DNAJA1: variants seen among roughly 807,000 people sequenced by gnomAD.
DNAJA1 encodes DnaJ heat shock protein family (Hsp40) member A1, also known as dnaJ homolog subfamily A member 1.
A neutral mutation model predicts 47.6 loss-of-function variants in DNAJA1; 26 were observed. That is an observed-to-expected ratio of 0.55 (90% CI 0.40 to 0.76). DNAJA1 has a LOEUF of 0.76. Among genes scored for constraint, DNAJA1 ranks in the 30% least tolerant of loss-of-function variants. The pLI, the probability that DNAJA1 is intolerant of heterozygous loss-of-function variation, is 0.00. For missense variants in DNAJA1, 315 were observed against 485.0 expected (o/e 0.65, Z 3.29); for synonymous variants, 165 against 158.4 (o/e 1.04, Z -0.31).
intron 8 of DNAJA1, among the ~76,000 whole-genome samples, chr9:33,037,517 A>C (rs1839055491): frequency 6.6e-6 from 1 of 152,044 alleles, no homozygotes; most frequent in African/African-American, 2.4e-5. Flanking sequence ...CCCCATCTCT[A>C]CAAAAAGTAC....
intron 8 of DNAJA1, chr9:33,037,351 T>A (rs7861851): frequency 0.27 from 81,139 of 299,536 alleles, 12,576 homozygotes; most frequent in Non-Finnish European, 0.3. Context: ...TCTGAATGCC[T>A]CAGAACCTGA....
chr9:33,037,815 G>A (rs1839059027), intron 8 of DNAJA1, among the ~76,000 whole-genome samples: 1 of 152,130 alleles, frequency 6.6e-6, no homozygotes, highest in Admixed American at 6.6e-5. Context: ...GGGTGTGTGG[G>A]ACAAGTGGGT....
At chr9:33,027,153 G>GT (rs60033892) in intron 3 of DNAJA1, among the ~76,000 whole-genome samples, 163 bp downstream of exon 3, 2,568 of 140,234 alleles carry the variant, frequency 0.018, 36 homozygotes, top group African/African-American at 0.042. Flanking sequence ...TTTTGTTGTG[G>GT]TTTTTTTTTT....
intron 3 of DNAJA1, among the ~76,000 whole-genome samples, chr9:33,028,800 A>T (rs1838914799): frequency 6.6e-6 from 1 of 152,224 alleles, no homozygotes; most frequent in Non-Finnish European, 1.5e-5. Context: ...GTTCAAAATA[A>T]GGGCAGCTAG....
intron 5 of DNAJA1, among the ~76,000 whole-genome samples, chr9:33,031,123 T>C (rs1753237315): frequency 6.6e-6 from 1 of 152,208 alleles, no homozygotes; most frequent in African/African-American, 2.4e-5. Context: ...AGACGGAGTT[T>C]CGCTCTTGTT....
In DNAJA1 at chr9:33,038,979, GCTCA is replaced by G; in HGVS notation, c.*79_*82del. The stretch of plus-strand genomic sequence containing the variant: ...GAGTGAAGGACTGTAATCATAATAT[GCTCA>G]CTACTTGCTCTTGTTTTTGTTTTAA... On this transcript the variant is annotated 3_prime_UTR_variant, in exon 9 of 9. Coordinates refer to ENST00000330899, the MANE Select transcript of DNAJA1 (RefSeq NM_001539.4). 1.5e-6 allele frequency: 2 copies of G among 1,307,012 alleles called. No homozygotes were observed. The highest frequency in any genetic ancestry group is 5.0e-5 in the East Asian group (2 of 39,818). 81.0% of individuals were successfully genotyped at this position (1,307,012 alleles called of 1,614,324 possible).
chr9:33,036,425 C>G, intron 6 of DNAJA1, 149 bp from the exon 7 acceptor site: 2 of 549,634 alleles, frequency 3.6e-6, no homozygotes, highest in Non-Finnish European at 6.4e-6. Flanking sequence ...CTTCCCAGAT[C>G]TCTGCTCTGC....
At chr9:33,026,185 G>A (rs1587694823) in intron 1 of DNAJA1, among the ~76,000 whole-genome samples, 1 of 152,244 alleles carries the variant, frequency 6.6e-6, no homozygotes, top group East Asian at 1.9e-4. Context: ...GGGCAAACGG[G>A]AAGAATCCAG....
At chr9:33,027,149 TGTG>T (rs1838886426) in intron 3 of DNAJA1, among the ~76,000 whole-genome samples, 159 bp downstream of exon 3, 2 of 143,080 alleles carry the variant, frequency 1.4e-5, no homozygotes, top group South Asian at 4.4e-4. Flanking sequence ...GTTTTTTTGT[TGTG>T]GTTTTTTTTT....
chr9:33,026,645 T>C (rs752749487), intron 2 of DNAJA1, 29 bp downstream of exon 2: 85 of 1,586,626 alleles, frequency 5.4e-5, no homozygotes, highest in Non-Finnish European at 7.2e-5. Context: ...TAAACGTATC[T>C]GAATAGTTCT....
Position 33,037,323 on chromosome 9 carries a change from A to C in DNAJA1, c.975+208A>C, listed in dbSNP as rs530775486. ...CCCTGTCTCTTTAAAAAAACAAAAA[A>C]AAAAAAAAATTAAAATTTCTGAATG... On this transcript the variant is annotated intron_variant, in intron 8 of 8. Transcript: ENST00000330899. The C allele has an allele frequency of 1.8e-3, 615 of 337,586 alleles. 13 individuals are homozygous for C. In the South Asian group the frequency reaches 0.022, roughly 12 times the overall value. The allele number at this position is 337,586 out of a possible 1,614,324, so 20.9% of individuals were successfully genotyped here.
intron 5 of DNAJA1, 78 bp from the exon 6 acceptor site, chr9:33,034,138 A>G: frequency 1.0e-6 from 1 of 983,196 alleles, no homozygotes; most frequent in Admixed American, 3.3e-5. Context: ...GCATAAACAA[A>G]CATCTATGTA....
At chr9:33,029,816 A>G in intron 3 of DNAJA1, 69 bp from the exon 4 acceptor site, 1 of 1,289,536 alleles carries the variant, frequency 7.8e-7, no homozygotes. Context: ...CACATTCTTT[A>G]TAGTGCCTTT....
chr9:33,036,954 A>G (rs1190588083), intron 7 of DNAJA1, 61 bp from the exon 8 acceptor site: 3 of 1,451,952 alleles, frequency 2.1e-6, no homozygotes, highest in African/African-American at 1.4e-5. Context: ...TGTTCTTTAT[A>G]TTCCCTGCCT....
intron 8 of DNAJA1, among the ~76,000 whole-genome samples, chr9:33,038,466 A>T (rs546189999): frequency 6.6e-6 from 1 of 152,336 alleles, no homozygotes; most frequent in South Asian, 2.1e-4. Flanking sequence ...TATTTAATAC[A>T]ATCATTTTTA....
At chr9:33,035,470 A>G (rs1169274634) in intron 6 of DNAJA1, among the ~76,000 whole-genome samples, 3 of 150,744 alleles carry the variant, frequency 2.0e-5, no homozygotes, top group Non-Finnish European at 4.5e-5. Flanking sequence ...TGTTTTATTT[A>G]TTTATTTATT....
intron 1 of DNAJA1, among the ~76,000 whole-genome samples, chr9:33,026,183 G>A (rs558587797): frequency 6.6e-6 from 1 of 152,336 alleles, no homozygotes; most frequent in African/African-American, 2.4e-5. Context: ...TAGGGCAAAC[G>A]GGAAGAATCC....
At chr9:33,038,067 C>T (rs943067415) in intron 8 of DNAJA1, among the ~76,000 whole-genome samples, 4 of 150,178 alleles carry the variant, frequency 2.7e-5, no homozygotes, top group African/African-American at 9.8e-5. Flanking sequence ...TGCAGTGGTG[C>T]GATCCTGGAT....
intron 5 of DNAJA1, among the ~76,000 whole-genome samples, chr9:33,031,063 G>T (rs1052687359): frequency 4.6e-5 from 7 of 152,180 alleles, no homozygotes; most frequent in Admixed American, 3.3e-4. Context: ...GGATTTGAAA[G>T]GGGAGTTAGG....
Sources: gnomAD v4.1 joint callset for allele counts (sites outside exome capture counted in the v4.1 genomes callset) on GRCh38, gnomAD v4.1.1 for gene constraint, MANE v1.5 for transcripts, NCBI Gene and HGNC (gene_info 2026-07-23, HGNC 2026-07-21) for gene names.